The following GRIN2A variants were observed in gnomAD, a reference collection of about 807,000 sequenced individuals.
The protein encoded by GRIN2A is glutamate receptor ionotropic, NMDA 2A.
A neutral mutation model predicts 113.4 loss-of-function variants in GRIN2A; 22 were observed. The observed-to-expected ratio is 0.19, with a 90% confidence interval of 0.14 to 0.28. GRIN2A has a LOEUF of 0.28. GRIN2A is among the 10% of genes least tolerant of loss of function. The pLI, the probability that GRIN2A is intolerant of heterozygous loss-of-function variation, is 1.00. For missense variants in GRIN2A, 1,502 were observed against 1,887.0 expected (o/e 0.80, Z 3.78); for synonymous variants, 827 against 738.4 (o/e 1.12, Z -1.94).
At chr16:10,066,927 C>T (rs2047659514) in intron 2 of GRIN2A, among the ~76,000 whole-genome samples, 2 of 152,248 alleles carry the variant, frequency 1.3e-5, no homozygotes, top group Admixed American at 6.5e-5. Flanking sequence ...TAAATACATA[C>T]AATTAAATAT....
chr16:9,772,561 C>T (rs565653425), intron 11 of GRIN2A, among the ~76,000 whole-genome samples: 51 of 152,180 alleles, frequency 3.4e-4, no homozygotes, highest in African/African-American at 1.1e-3. Context: ...TTAGTAGAGA[C>T]GAGGTTTCAC....
chr16:10,060,244 CA>C (rs1395559505), intron 2 of GRIN2A, among the ~76,000 whole-genome samples: 2 of 152,222 alleles, frequency 1.3e-5, no homozygotes, highest in Non-Finnish European at 2.9e-5. Flanking sequence ...AAAGTCCTCA[CA>C]GCCCAATCCT....
At chr16:10,143,143 G>A (rs906082240) in intron 2 of GRIN2A, among the ~76,000 whole-genome samples, 4 of 152,144 alleles carry the variant, frequency 2.6e-5, no homozygotes, top group East Asian at 1.9e-4. Context: ...TTCATGGTTG[G>A]TATGCATGTC....
chr16:9,810,903 G>C (rs1347346301), intron 10 of GRIN2A, among the ~76,000 whole-genome samples: 1 of 152,206 alleles, frequency 6.6e-6, no homozygotes, highest in Non-Finnish European at 1.5e-5. Context: ...CTTTGGGAGA[G>C]GCAGCTGTCT....
At chr16:10,110,032 C>G (rs1178141618) in intron 2 of GRIN2A, among the ~76,000 whole-genome samples, 1 of 152,114 alleles carries the variant, frequency 6.6e-6, no homozygotes, top group Non-Finnish European at 1.5e-5. Context: ...GCTATATCTC[C>G]TAATGCTATC....
At chr16:9,799,009 T>C (rs949710861) in intron 10 of GRIN2A, among the ~76,000 whole-genome samples, 1 of 152,266 alleles carries the variant, frequency 6.6e-6, no homozygotes, top group Non-Finnish European at 1.5e-5. Flanking sequence ...TATAATTCTA[T>C]AACTCAGATT....
chr16:10,165,705 AGGGGAGGGGAGAAAG>A (rs2049904984), intron 2 of GRIN2A, among the ~76,000 whole-genome samples: 1 of 62,604 alleles, frequency 1.6e-5, no homozygotes, highest in East Asian at 7.1e-4. Flanking sequence ...GGGAGAAAGG[AGGGGAGGGGAGAAAG>A]GAGGGGAGGG....
At chr16:10,014,930 G>A (rs1034813364) in intron 2 of GRIN2A, among the ~76,000 whole-genome samples, 4 of 152,030 alleles carry the variant, frequency 2.6e-5, no homozygotes, top group Admixed American at 1.3e-4. Flanking sequence ...AAAGCAGGAG[G>A]ACATTAGAAG....
intron 4 of GRIN2A, among the ~76,000 whole-genome samples, chr16:9,886,152 G>A (rs1157679888): frequency 6.6e-6 from 1 of 152,190 alleles, no homozygotes; most frequent in Non-Finnish European, 1.5e-5. Flanking sequence ...GAATGATTTG[G>A]TGGCTCCAAA....
At chr16:10,033,640 A>G (rs901449431) in intron 2 of GRIN2A, 3 of 152,278 alleles carry the variant, frequency 2.0e-5, no homozygotes, top group Admixed American at 2.0e-4. Flanking sequence ...AATGAAAGCT[A>G]TGCCTTTCTG....
chr16:10,180,412 A>G lies in GRIN2A; in HGVS notation c.-1T>C, dbSNP rs762481265. 1.9e-6 allele frequency: 3 copies of G among 1,605,094 alleles called. No individual in the cohort carries two copies. Among genetic ancestry groups the G allele is most frequent in the East Asian group, 2.2e-5 (1 of 44,842 alleles). ...GGGTCCAATAGCCCACTCTGCCCAT[A>G]GTCGCCACTGACGGTCCCTGCAAGG... On this transcript the variant is annotated 5_prime_UTR_variant, in exon 2 of 13. Transcript: ENST00000330684. The surrounding 1 kb of genome is among the most constrained non-coding windows in gnomAD (Gnocchi z 7.0).
At chr16:9,790,792 G>A (rs1021306935) in intron 11 of GRIN2A, among the ~76,000 whole-genome samples, 5 of 152,200 alleles carry the variant, frequency 3.3e-5, no homozygotes, top group Non-Finnish European at 5.9e-5. Context: ...TTGCAAAAGT[G>A]TATCTGCAGT....
chr16:9,795,280 A>T (rs1040551136), intron 11 of GRIN2A, among the ~76,000 whole-genome samples: 2 of 152,170 alleles, frequency 1.3e-5, no homozygotes, highest in African/African-American at 4.8e-5. Context: ...CAAAACCAAG[A>T]TGGCCATGAG....
chr16:10,103,610 C>T (rs1395686303), intron 2 of GRIN2A, among the ~76,000 whole-genome samples: 2 of 152,056 alleles, frequency 1.3e-5, no homozygotes, highest in East Asian at 1.9e-4. Context: ...AAGAATATCG[C>T]CAGAAGTCCT....
chr16:10,009,615 C>T (rs187376045), intron 2 of GRIN2A, among the ~76,000 whole-genome samples: 1 of 152,144 alleles, frequency 6.6e-6, no homozygotes, highest in South Asian at 2.1e-4. Context: ...TGCCTGAGCT[C>T]ACCTGGGCAC....
At chr16:9,795,474 C>G (rs1250995392) in intron 11 of GRIN2A, among the ~76,000 whole-genome samples, 1 of 152,164 alleles carries the variant, frequency 6.6e-6, no homozygotes, top group Non-Finnish European at 1.5e-5. Flanking sequence ...TATGGAGTAG[C>G]CATTCTTTTA....
At chr16:9,934,626 G>C (rs375321675) in intron 3 of GRIN2A, among the ~76,000 whole-genome samples, 11 of 134,326 alleles carry the variant, frequency 8.2e-5, no homozygotes, top group African/African-American at 3.2e-4. Flanking sequence ...GTTGTAGTGA[G>C]CCGAGATTGT....
intron 2 of GRIN2A, among the ~76,000 whole-genome samples, chr16:9,951,247 G>A (rs1445749382): frequency 6.6e-6 from 1 of 152,130 alleles, no homozygotes; most frequent in East Asian, 1.9e-4. Context: ...CTGTTTTCCT[G>A]GAGCATAATA....
chr16:9,901,384 G>A (rs2043921206), intron 3 of GRIN2A, among the ~76,000 whole-genome samples: 1 of 152,126 alleles, frequency 6.6e-6, no homozygotes. Context: ...ATGCCAATGG[G>A]ACTCTAACAT....
Sources: gnomAD v4.1 joint callset for allele counts (sites outside exome capture counted in the v4.1 genomes callset) on GRCh38, gnomAD v4.1.1 for gene constraint, Gnocchi (gnomAD v3.1) non-coding constraint, MANE v1.5 for transcripts, NCBI Gene and HGNC (gene_info 2026-07-23, HGNC 2026-07-21) for gene names.